Variants in ACTR3C observed in about 807,000 individuals in gnomAD.
The protein encoded by ACTR3C is actin related protein 3C, also known as actin-related protein 3C.
A neutral mutation model predicts 26.3 loss-of-function variants in ACTR3C; 18 were observed. The ratio of observed to expected loss-of-function variants is 0.68; its 90% CI spans 0.47 to 1.01. The LOEUF (loss-of-function observed/expected upper bound fraction) is 1.01, where lower values mean the gene tolerates loss of function less well. Ranked by LOEUF, ACTR3C falls within the 50% of genes least tolerant of loss-of-function variation. The pLI is 0.00. For missense variants in ACTR3C, 184 were observed against 250.7 expected, an observed-to-expected ratio of 0.73 and a Z score of 1.80; for synonymous variants, 55 against 94.5, an observed-to-expected ratio of 0.58 and a Z score of 2.42.
At chr7:150,042,386 G>T in the ACTR3C span, among the ~76,000 whole-genome samples, 57 of 147,226 alleles carry the variant, frequency 3.9e-4, 1 homozygote, top group East Asian at 0.011. Flanking sequence ...GAGCAAAGGG[G>T]GGAAGAGGGG....
At chr7:150,050,775 A>T in the ACTR3C span, among the ~76,000 whole-genome samples, 1 of 152,052 alleles carries the variant, frequency 6.6e-6, no homozygotes, top group Admixed American at 6.5e-5. Context: ...ATACTCTTGC[A>T]ACTTGCACAC....
the ACTR3C span, among the ~76,000 whole-genome samples, chr7:150,125,300 T>C: frequency 6.6e-6 from 1 of 151,740 alleles, no homozygotes; most frequent in Non-Finnish European, 1.5e-5. Flanking sequence ...TCTCTCTTAG[T>C]TCAAGTTGCC....
Position 150,274,861 on chromosome 7 carries a change from T to C in ACTR3C, c.564+9892A>G, listed in dbSNP as rs1230913076. 6.6e-6 allele frequency among the ~76,000 whole-genome samples: 1 copy of C among 152,246 alleles called. No homozygotes were observed. Among genetic ancestry groups the C allele is most frequent in the Non-Finnish European group, 1.5e-5 (1 of 68,050 alleles). On this transcript the variant is annotated intron_variant, in intron 6 of 7. Coordinates refer to ENST00000683684, the MANE Select transcript of ACTR3C (RefSeq NM_001164458.2). This position sits in a 1 kb window ranked among gnomAD's most constrained non-coding sequence, Gnocchi z 4.1. ...GAAAACAAAGTGATCCCTTATCACT[T>C]TTGATACAGTGTGAGAAATCAGCAG... is the stretch of plus-strand genomic sequence containing the variant.
the ACTR3C span, among the ~76,000 whole-genome samples, chr7:150,092,126 A>C: frequency 5.8e-3 from 853 of 147,508 alleles, 3 homozygotes; most frequent in African/African-American, 0.019. Context: ...AGGTAAGTAG[A>C]AATGTCTTCT....
the ACTR3C span, among the ~76,000 whole-genome samples, chr7:150,210,879 GCA>G: frequency 6.9e-6 from 1 of 144,406 alleles, no homozygotes; most frequent in African/African-American, 2.9e-5. Context: ...TTCTAAATAT[GCA>G]CAGTCAACTA....
chr7:150,321,401 T>C (rs143575344), intron 1 of ACTR3C, among the ~76,000 whole-genome samples: 1 of 152,334 alleles, frequency 6.6e-6, no homozygotes, highest in Admixed American at 6.5e-5. Flanking sequence ...ATGGAGAAAC[T>C]AATACTTCCA....
the ACTR3C span, among the ~76,000 whole-genome samples, chr7:150,128,910 A>G: frequency 6.6e-6 from 1 of 151,502 alleles, no homozygotes; most frequent in African/African-American, 2.4e-5. Flanking sequence ...AAGCTTCCAG[A>G]CCACAGCCTA....
At chr7:149,884,481 AC>A in the ACTR3C span, among the ~76,000 whole-genome samples, 6 of 152,240 alleles carry the variant, frequency 3.9e-5, no homozygotes, top group Non-Finnish European at 8.8e-5. Flanking sequence ...AGTAGATTTC[AC>A]AAAATGAAAA....
chr7:150,101,000 C>A, the ACTR3C span, among the ~76,000 whole-genome samples: 1 of 151,648 alleles, frequency 6.6e-6, no homozygotes, highest in South Asian at 2.1e-4. Flanking sequence ...CCACCCCCCA[C>A]TGCCAAGTTT....
the ACTR3C span, among the ~76,000 whole-genome samples, chr7:150,098,621 A>T: frequency 2.6e-5 from 4 of 151,774 alleles, no homozygotes; most frequent in Non-Finnish European, 4.4e-5. Context: ...AAGCGTTGGT[A>T]GAGTGGCAAC....
At chr7:150,051,344 C>T in the ACTR3C span, among the ~76,000 whole-genome samples, 1 of 146,864 alleles carries the variant, frequency 6.8e-6, no homozygotes, top group East Asian at 2.2e-4. Context: ...TAATTCAATT[C>T]TTGTCTCTAA....
At chr7:149,973,324 G>A in the ACTR3C span, among the ~76,000 whole-genome samples, 1,801 of 152,244 alleles carry the variant, frequency 0.012, 26 homozygotes, top group African/African-American at 0.04. Context: ...TTAGATCTGG[G>A]AGAAGCAAGC....
At chr7:150,072,699 GAGGC>G in the ACTR3C span, among the ~76,000 whole-genome samples, 31 of 152,204 alleles carry the variant, frequency 2.0e-4, no homozygotes, top group Middle Eastern at 3.4e-3. Flanking sequence ...GAAATAAACT[GAGGC>G]AGGCAGGCAG....
chr7:150,277,657 C>A (rs1446501361), intron 6 of ACTR3C, among the ~76,000 whole-genome samples: 1 of 151,982 alleles, frequency 6.6e-6, no homozygotes, highest in East Asian at 1.9e-4. Context: ...TAAATGACCC[C>A]CCACCCTCCT....
chr7:150,255,242 ATTTTTTTTTTTTTT>A (rs745713614), intron 6 of ACTR3C, among the ~76,000 whole-genome samples: 2 of 85,610 alleles, frequency 2.3e-5, no homozygotes, highest in Non-Finnish European at 4.6e-5. Flanking sequence ...TTTGTAGGGG[ATTTTTTTTTTTTTT>A]TTTTTTTTTT....
chr7:150,185,276 C>CGTGTGTGTGTGT, the ACTR3C span, among the ~76,000 whole-genome samples: 92 of 140,952 alleles, frequency 6.5e-4, no homozygotes, highest in East Asian at 2.5e-3. Flanking sequence ...AAATGTCAGG[C>CGTGTGTGTGTGT]GTGTGTGTGT....
the ACTR3C span, among the ~76,000 whole-genome samples, chr7:150,130,424 T>C: frequency 1.3e-5 from 2 of 152,194 alleles, no homozygotes; most frequent in African/African-American, 4.8e-5. Flanking sequence ...CTGCAAAACA[T>C]TTATTTGACA....
chr7:150,288,990 T>C (rs28617773), intron 4 of ACTR3C, among the ~76,000 whole-genome samples: 1 of 149,422 alleles, frequency 6.7e-6, no homozygotes, highest in East Asian at 2.0e-4. Flanking sequence ...CTACACTCAG[T>C]AACTGTGCCA....
At chr7:150,265,047 T>C (rs1261447283) in intron 6 of ACTR3C, among the ~76,000 whole-genome samples, 2 of 151,976 alleles carry the variant, frequency 1.3e-5, no homozygotes, top group Non-Finnish European at 2.9e-5. Flanking sequence ...TCAAACTAGG[T>C]CACCAAAAAG....
Sources: gnomAD v4.1 joint callset for allele counts (sites outside exome capture counted in the v4.1 genomes callset) on GRCh38, gnomAD v4.1.1 for gene constraint, Gnocchi (gnomAD v3.1) non-coding constraint, MANE v1.5 for transcripts, NCBI Gene and HGNC (gene_info 2026-07-23, HGNC 2026-07-21) for gene names.